RBFOX1: variants seen among roughly 807,000 people sequenced by gnomAD.
RBFOX1 encodes RNA binding fox-1 homolog 1, also known as RNA binding protein fox-1 homolog 1.
In RBFOX1, 8 loss-of-function variants were observed where a neutral mutation model predicts 57.7. The observed-to-expected ratio is 0.14, with a 90% CI of 0.08 to 0.25. RBFOX1 has a LOEUF of 0.25. Among genes scored for constraint, RBFOX1 ranks in the 10% least tolerant of loss-of-function variants. RBFOX1 has a pLI of 1.00. For synonymous variants in RBFOX1, 326 were observed against 222.4 expected, an observed-to-expected ratio of 1.47 and a Z score of -4.15; for missense variants, 611 against 548.5, an observed-to-expected ratio of 1.11 and a Z score of -1.14.
At chr16:6,158,092 T>G (rs988270425) in intron 1 of RBFOX1, among the ~76,000 whole-genome samples, 1 of 152,176 alleles carries the variant, frequency 6.6e-6, no homozygotes, top group Non-Finnish European at 1.5e-5. Context: ...TTCCCCGAGA[T>G]AAAACCCGAA....
chr16:5,684,464 C>A (rs1331830592), intron 3 of RBFOX1, among the ~76,000 whole-genome samples: 1 of 150,306 alleles, frequency 6.7e-6, no homozygotes, highest in African/African-American at 2.4e-5. Flanking sequence ...CAGCTCTCCT[C>A]TGTAGAGCCA....
chr16:6,917,707 C>T (rs115756000), intron 3 of RBFOX1, among the ~76,000 whole-genome samples: 1 of 152,118 alleles, frequency 6.6e-6, no homozygotes, highest in East Asian at 1.9e-4. Context: ...AGACTCTTCC[C>T]CTTTGCTTCG....
At chr16:6,104,132 AACAC>A (rs112249231) in intron 1 of RBFOX1, among the ~76,000 whole-genome samples, 11 of 148,464 alleles carry the variant, frequency 7.4e-5, no homozygotes, top group Non-Finnish European at 1.0e-4. Flanking sequence ...TCCCAGTTGA[AACAC>A]ACACACACAC....
intron 4 of RBFOX1, among the ~76,000 whole-genome samples, chr16:7,130,566 G>T (rs984235417): frequency 6.6e-6 from 1 of 152,180 alleles, no homozygotes; most frequent in Non-Finnish European, 1.5e-5. Flanking sequence ...GAGTGAAACA[G>T]TGAGTCAGTG....
chr16:6,306,002 G>A (rs1339963486), intron 1 of RBFOX1, among the ~76,000 whole-genome samples: 1 of 152,024 alleles, frequency 6.6e-6, no homozygotes, highest in African/African-American at 2.4e-5. Context: ...AGAAACATGT[G>A]GTTTCTTTCT....
At chr16:5,396,896 G>A (rs2066574886) in intron 1 of RBFOX1, among the ~76,000 whole-genome samples, 1 of 152,200 alleles carries the variant, frequency 6.6e-6, no homozygotes, top group Non-Finnish European at 1.5e-5. Context: ...TTCTCAGCTG[G>A]AGGGGAATTT....
chr16:7,402,269 G>C (rs1219286824), intron 4 of RBFOX1, among the ~76,000 whole-genome samples: 1 of 152,176 alleles, frequency 6.6e-6, no homozygotes, highest in African/African-American at 2.4e-5. Context: ...TTCAGTCCCG[G>C]ACGTTGTTAA....
chr16:5,759,803 C>T (rs1056978459), intron 3 of RBFOX1, among the ~76,000 whole-genome samples: 127 of 146,932 alleles, frequency 8.6e-4, no homozygotes, highest in Non-Finnish European at 1.4e-3. Flanking sequence ...ATTTTTTTTT[C>T]TTGGCATGGC....
intron 4 of RBFOX1, among the ~76,000 whole-genome samples, chr16:7,191,387 C>T (rs536719728): frequency 8.6e-4 from 130 of 150,818 alleles, no homozygotes; most frequent in Middle Eastern, 3.5e-3. Context: ...GGATGCTTTA[C>T]AATACACTGT....
At chr16:7,512,933 C>G (rs149782805) in intron 4 of RBFOX1, among the ~76,000 whole-genome samples, 1 of 152,240 alleles carries the variant, frequency 6.6e-6, no homozygotes, top group Non-Finnish European at 1.5e-5. Context: ...AAACACAGGT[C>G]CATGGTGTGT....
intron 2 of RBFOX1, among the ~76,000 whole-genome samples, chr16:6,631,752 C>G (rs1043124407): frequency 6.6e-6 from 1 of 151,990 alleles, no homozygotes; most frequent in Non-Finnish European, 1.5e-5. Flanking sequence ...CTGAACTGAC[C>G]TTGGGGTAGG....
intron 4 of RBFOX1, among the ~76,000 whole-genome samples, chr16:7,066,629 G>A (rs9927355): frequency 3.9e-5 from 6 of 152,118 alleles, no homozygotes; most frequent in African/African-American, 1.4e-4. Flanking sequence ...TGTTAAAAGT[G>A]TAGACAATTT....
chr16:5,787,317 A>G (rs530739927), intron 3 of RBFOX1, among the ~76,000 whole-genome samples: 1 of 152,320 alleles, frequency 6.6e-6, no homozygotes, highest in African/African-American at 2.4e-5. Flanking sequence ...CCTCCAGTGC[A>G]CACAGAAGAG....
At chr16:7,630,872 T>C (rs542339350) in intron 11 of RBFOX1, among the ~76,000 whole-genome samples, 189 bp downstream of exon 11, 1 of 152,306 alleles carries the variant, frequency 6.6e-6, no homozygotes, top group East Asian at 1.9e-4. Flanking sequence ...ACATTCTCTG[T>C]TAGATCCGTC....
intron 1 of RBFOX1, among the ~76,000 whole-genome samples, chr16:5,242,595 A>G (rs910866931): frequency 3.9e-5 from 6 of 152,180 alleles, no homozygotes; most frequent in African/African-American, 1.4e-4. Flanking sequence ...CTCACAGGCC[A>G]TGTCTGAGTG....
chr16:7,593,965 G>A (rs1242441173), intron 7 of RBFOX1, among the ~76,000 whole-genome samples: 2 of 152,090 alleles, frequency 1.3e-5, no homozygotes, highest in Non-Finnish European at 2.9e-5. Context: ...CCAGCCCATT[G>A]CACAATACTT....
At chr16:7,094,291 A>C (rs2061336162) in intron 4 of RBFOX1, among the ~76,000 whole-genome samples, 1 of 152,130 alleles carries the variant, frequency 6.6e-6, no homozygotes, top group Non-Finnish European at 1.5e-5. Context: ...TAATTTCGGG[A>C]AGCAATAGAG....
chr16:5,709,086 A>G lies in RBFOX1; in HGVS notation c.318+110125A>G, dbSNP rs74006216. Among the ~76,000 whole-genome samples, 284 of 152,208 alleles carry G rather than the reference A, an allele frequency of 1.9e-3. 2 individuals carry two copies. Among genetic ancestry groups the G allele is most frequent in the African/African-American group, 6.5e-3 (270 of 41,534 alleles). ...TAGATCCCGTGAGTCATCACATTCT[A>G]CTCTTGCCTAACCTTGCTAATGTTG... On this transcript the variant is annotated intron_variant, in intron 3 of 19. Coordinates refer to the RBFOX1 transcript ENST00000641259.
chr16:6,955,972 C>G (rs931823376), intron 3 of RBFOX1, among the ~76,000 whole-genome samples: 5 of 151,866 alleles, frequency 3.3e-5, no homozygotes, highest in African/African-American at 9.7e-5. Context: ...TCCCGAAGTG[C>G]TGGGATTACA....
Sources: allele counts gnomAD v4.1 joint callset (sites outside exome capture counted in the v4.1 genomes callset), GRCh38; gene constraint gnomAD v4.1.1; transcripts MANE v1.5; gene names NCBI Gene and HGNC (gene_info 2026-07-23, HGNC 2026-07-21).